The following SCRG1 variants were observed in gnomAD, a reference collection of about 807,000 sequenced individuals.
SCRG1 encodes the protein scrapie-responsive protein 1.
A neutral mutation model predicts 7.7 loss-of-function variants in SCRG1; 3 were observed. The observed-to-expected ratio is 0.39, with a 90% CI of 0.18 to 1.01. The LOEUF (loss-of-function observed/expected upper bound fraction) is 1.01, where lower values mean the gene tolerates loss of function less well. Among genes scored for constraint, SCRG1 ranks in the 50% least tolerant of loss-of-function variants. SCRG1 has a pLI of 0.36. For synonymous variants in SCRG1, 46 were observed against 41.2 expected (o/e 1.12, Z -0.44); for missense variants, 110 against 117.2 (o/e 0.94, Z 0.28).
the SCRG1 span, among the ~76,000 whole-genome samples, chr4:173,453,339 T>C: frequency 2.0e-5 from 3 of 152,204 alleles, no homozygotes; most frequent in Non-Finnish European, 4.4e-5. Flanking sequence ...CATGGAAACC[T>C]CCGGACAACT....
At chr4:173,436,269 A>G in the SCRG1 span, among the ~76,000 whole-genome samples, 1 of 152,160 alleles carries the variant, frequency 6.6e-6, no homozygotes, top group Non-Finnish European at 1.5e-5. Flanking sequence ...AGTCCTCAGC[A>G]CACTGGGTGA....
At chr4:173,429,670 C>G in the SCRG1 span, among the ~76,000 whole-genome samples, 1 of 152,034 alleles carries the variant, frequency 6.6e-6, no homozygotes, top group Non-Finnish European at 1.5e-5. Flanking sequence ...ATTGTATTGT[C>G]GATTGAGACA....
the SCRG1 span, among the ~76,000 whole-genome samples, chr4:173,454,522 A>G: frequency 6.6e-6 from 1 of 152,224 alleles, no homozygotes; most frequent in African/African-American, 2.4e-5. Context: ...AAGAGTACCA[A>G]GGCAAACTTG....
At chr4:173,473,898 G>C in the SCRG1 span, among the ~76,000 whole-genome samples, 4 of 152,198 alleles carry the variant, frequency 2.6e-5, no homozygotes, top group Non-Finnish European at 5.9e-5. Context: ...TGACTTCCTG[G>C]GCCGGACATG....
At chr4:173,410,182 G>C (rs903982324), upstream of SCRG1, among the ~76,000 whole-genome samples, 17 of 152,210 alleles carry the variant, frequency 1.1e-4, no homozygotes, top group Admixed American at 1.1e-3. Flanking sequence ...CAACACCAGA[G>C]CGTAGAGGTT....
At chr4:173,505,920 C>A in the SCRG1 span, among the ~76,000 whole-genome samples, 1 of 152,198 alleles carries the variant, frequency 6.6e-6, no homozygotes, top group African/African-American at 2.4e-5. The surrounding 1 kb of genome is among the most constrained non-coding windows in gnomAD (Gnocchi z 4.4). Flanking sequence ...ACGAAATAAA[C>A]CTCTGACAAG....
the SCRG1 span, among the ~76,000 whole-genome samples, chr4:173,437,135 G>T: frequency 6.6e-6 from 1 of 152,102 alleles, no homozygotes; most frequent in Non-Finnish European, 1.5e-5. Flanking sequence ...TCTATTATAC[G>T]CTCTCTGCTG....
At chr4:173,396,765 C>T (rs567646245) in intron 1 of SCRG1, among the ~76,000 whole-genome samples, 129 of 84,824 alleles carry the variant, frequency 1.5e-3, no homozygotes, top group Non-Finnish European at 3.1e-3. Context: ...TTATAAATTA[C>T]ATGTTTTGGC....
the SCRG1 span, among the ~76,000 whole-genome samples, chr4:173,442,762 C>T: frequency 5.3e-5 from 8 of 152,110 alleles, no homozygotes; most frequent in Admixed American, 2.6e-4. Flanking sequence ...CAAGTGAGGA[C>T]GTGGGACAAA....
At chr4:173,448,788 G>A in the SCRG1 span, among the ~76,000 whole-genome samples, 1 of 152,138 alleles carries the variant, frequency 6.6e-6, no homozygotes, top group African/African-American at 2.4e-5. Flanking sequence ...TTTTAAATAT[G>A]CACAGCTGCT....
chr4:173,444,957 T>A, the SCRG1 span, among the ~76,000 whole-genome samples: 1 of 152,190 alleles, frequency 6.6e-6, no homozygotes, highest in Non-Finnish European at 1.5e-5. Flanking sequence ...GAAAGCGTAA[T>A]AATTGATACT....
At chr4:173,412,948 C>T in the SCRG1 span, among the ~76,000 whole-genome samples, 1 of 152,194 alleles carries the variant, frequency 6.6e-6, no homozygotes, top group South Asian at 2.1e-4. Flanking sequence ...CAATTTCCCC[C>T]ATCTGTCAGG....
chr4:173,479,435 G>GTTTTTT, the SCRG1 span, among the ~76,000 whole-genome samples: 33 of 125,966 alleles, frequency 2.6e-4, no homozygotes, highest in East Asian at 5.1e-4. Context: ...TTGTTTGTTT[G>GTTTTTT]TTTTTTTGTT....
the SCRG1 span, among the ~76,000 whole-genome samples, chr4:173,489,812 C>T: frequency 6.6e-6 from 1 of 152,130 alleles, no homozygotes; most frequent in African/African-American, 2.4e-5. Flanking sequence ...GAATGCAAAA[C>T]CACATTTATT....
the SCRG1 span, chr4:173,419,989 C>T: frequency 1.4e-6 from 1 of 698,424 alleles, no homozygotes; most frequent in East Asian, 2.7e-5. Context: ...CTCTATCATC[C>T]TGTATTTGGG....
chr4:173,481,594 C>T, the SCRG1 span, among the ~76,000 whole-genome samples: 1 of 152,234 alleles, frequency 6.6e-6, no homozygotes, highest in Admixed American at 6.5e-5. Context: ...ACATCCTCCA[C>T]CTCTTCCGCC....
chr4:173,437,274 AC>A, the SCRG1 span, among the ~76,000 whole-genome samples: 1 of 152,160 alleles, frequency 6.6e-6, no homozygotes, highest in Non-Finnish European at 1.5e-5. Context: ...ATACACACAC[AC>A]ACACGCACAG....
chr4:173,483,183 T>A, the SCRG1 span, among the ~76,000 whole-genome samples: 1 of 115,294 alleles, frequency 8.7e-6, no homozygotes, highest in Admixed American at 1.0e-4. Flanking sequence ...ATATAATATA[T>A]TATATATGAT....
At chr4:173,451,620 AT>A in the SCRG1 span, among the ~76,000 whole-genome samples, 103 of 64,906 alleles carry the variant, frequency 1.6e-3, 1 homozygote, top group East Asian at 5.2e-3. Context: ...ATTTTATTTT[AT>A]TTTACTTACT....
Sources: gnomAD v4.1 joint callset for allele counts (sites outside exome capture counted in the v4.1 genomes callset) on GRCh38, gnomAD v4.1.1 for gene constraint, Gnocchi (gnomAD v3.1) non-coding constraint, MANE v1.5 for transcripts, NCBI Gene and HGNC (gene_info 2026-07-23, HGNC 2026-07-21) for gene names.